The following CACNA1D variants were observed in gnomAD, a reference collection of about 807,000 sequenced individuals.
CACNA1D encodes calcium voltage-gated channel subunit alpha1 D.
Under a neutral mutation model 257.1 loss-of-function variants are expected in CACNA1D, and 55 were observed. The ratio of observed to expected loss-of-function variants is 0.21; its 90% CI spans 0.17 to 0.27. The LOEUF (loss-of-function observed/expected upper bound fraction) is 0.27. CACNA1D is among the 10% of genes least tolerant of loss of function. The pLI is 1.00. For missense variants in CACNA1D, 1,876 were observed against 2,784.0 expected, an observed-to-expected ratio of 0.67 and a Z score of 7.34; for synonymous variants, 980 against 1,014.9, an observed-to-expected ratio of 0.97 and a Z score of 0.65.
intron 3 of CACNA1D, among the ~76,000 whole-genome samples, chr3:53,536,033 C>T (rs2092105380): frequency 6.6e-6 from 1 of 152,066 alleles, no homozygotes. Context: ...CTGGGTGGCT[C>T]TTCTGGGCTT....
intron 3 of CACNA1D, among the ~76,000 whole-genome samples, chr3:53,600,188 C>T (rs1487892832): frequency 6.6e-6 from 1 of 152,246 alleles, no homozygotes; most frequent in Non-Finnish European, 1.5e-5. Context: ...ATTTGGCCAG[C>T]ATGTATCATG....
intron 40 of CACNA1D, among the ~76,000 whole-genome samples, chr3:53,798,941 C>T (rs980122497): frequency 1.3e-5 from 2 of 152,356 alleles, no homozygotes; most frequent in African/African-American, 4.8e-5. Flanking sequence ...GTCCTTGCCA[C>T]AGCTGCCCAC....
chr3:53,672,758 CTGTGTGTGTGTGTGTGTGTGTG>C (rs57956658), intron 7 of CACNA1D, among the ~76,000 whole-genome samples: 185 of 95,088 alleles, frequency 1.9e-3, no homozygotes, highest in African/African-American at 5.3e-3. Flanking sequence ...CTTGATGACT[CTGTGTGTGTGTGTGTGTGTGTG>C]TGTGTGTGTG....
At chr3:53,720,817 C>T (rs967943973) in intron 11 of CACNA1D, among the ~76,000 whole-genome samples, 2 of 152,196 alleles carry the variant, frequency 1.3e-5, no homozygotes, top group African/African-American at 2.4e-5. Flanking sequence ...ATGACACAGC[C>T]GTTAAAAAAA....
rs75656128 is a variant in CACNA1D, at chr3:53,719,809, C to T, written c.1505+28C>T. 10,030 of 1,606,812 alleles carry T rather than the reference C, an allele frequency of 6.2e-3. 532 individuals are homozygous for T. The African/African-American group carries it at 0.11, about 18-fold the overall frequency. ...CAGTATCTTCTTTCTGTTTCTTCGT[C>T]AGCCTGTGTGTTGCCTTTGTATGTT... On this transcript the variant is annotated intron_variant, in intron 11 of 47. Transcript: ENST00000350061.
chr3:53,768,360 G>A (rs1355659709), intron 30 of CACNA1D, among the ~76,000 whole-genome samples: 1 of 152,202 alleles, frequency 6.6e-6, no homozygotes, highest in Non-Finnish European at 1.5e-5. Flanking sequence ...GCACATGCGG[G>A]CACACTTAGC....
At chr3:53,808,625 G>A in intron 45 of CACNA1D, 24 bp from the exon 46 acceptor site, 1 of 1,604,874 alleles carries the variant, frequency 6.2e-7, no homozygotes, top group Non-Finnish European at 8.5e-7. Context: ...CTTCACAGCT[G>A]TGTGATGCCC....
intron 1 of CACNA1D, among the ~76,000 whole-genome samples, chr3:53,496,362 G>A (rs1471631622): frequency 2.0e-5 from 3 of 152,230 alleles, no homozygotes; most frequent in African/African-American, 4.8e-5. Context: ...TAGGCCTGGA[G>A]GCCCCTGGCA....
chr3:53,786,717 A>ACCCCCCCCC, intron 39 of CACNA1D, 105 bp from the exon 40 acceptor site: 1 of 275,358 alleles, frequency 3.6e-6, no homozygotes, highest in East Asian at 8.8e-5. Flanking sequence ...CGGACCGCCC[A>ACCCCCCCCC]CCCGCCCCAC....
chr3:53,727,953 C>A (rs914567298), intron 15 of CACNA1D, among the ~76,000 whole-genome samples: 1 of 152,062 alleles, frequency 6.6e-6, no homozygotes, highest in African/African-American at 2.4e-5. Context: ...TTTATAAAAA[C>A]CCCATCTCAA....
intron 3 of CACNA1D, among the ~76,000 whole-genome samples, chr3:53,650,215 C>G (rs534996270): frequency 6.6e-6 from 1 of 152,334 alleles, no homozygotes; most frequent in East Asian, 1.9e-4. Context: ...GATGCAAAAA[C>G]TTATATCCAG....
At chr3:53,745,978 T>G (rs1455012343) in intron 25 of CACNA1D, 103 bp downstream of exon 25, 1 of 854,012 alleles carries the variant, frequency 1.2e-6, no homozygotes, top group South Asian at 1.4e-5. Context: ...TGAAATAAAA[T>G]AGGCCTGTGT....
intron 9 of CACNA1D, chr3:53,710,516 T>C (rs1373396994): frequency 4.4e-6 from 2 of 456,294 alleles, no homozygotes; most frequent in Non-Finnish European, 8.8e-6. Flanking sequence ...TTCCGCAACA[T>C]CTCTGATACC....
At chr3:53,753,518 C>A in intron 28 of CACNA1D, 54 bp from the exon 29 acceptor site, 2 of 1,168,730 alleles carry the variant, frequency 1.7e-6, no homozygotes, top group Non-Finnish European at 2.6e-6. Flanking sequence ...CATGTGCAAG[C>A]ATGTGAGATC....
chr3:53,511,293 C>T (rs1419721858), intron 3 of CACNA1D, among the ~76,000 whole-genome samples: 4 of 152,040 alleles, frequency 2.6e-5, no homozygotes, highest in Admixed American at 6.5e-5. Context: ...CCAGGGTGCT[C>T]GAGGGGAACT....
chr3:53,780,542 G>A (rs1449842331), intron 38 of CACNA1D, among the ~76,000 whole-genome samples: 1 of 152,232 alleles, frequency 6.6e-6, no homozygotes, highest in Non-Finnish European at 1.5e-5. Context: ...GGATGTCTAG[G>A]AGGTCCTGAG....
At chr3:53,634,111 A>T (rs149144915) in intron 3 of CACNA1D, among the ~76,000 whole-genome samples, 117 of 152,346 alleles carry the variant, frequency 7.7e-4, no homozygotes, top group African/African-American at 2.6e-3. Flanking sequence ...TGGATGGTGA[A>T]CTATATTGAC....
Position 53,810,133 on chromosome 3 carries a change from G to A in CACNA1D, c.6027G>A (p.Leu2009=), listed in dbSNP as rs34887859. ...TCCAAGTGGAGCAGTCAGAGGCCCT[G>A]GACCAGGTGAACGGCAGCCTGCCGT... The part of the protein sequence containing the change: ...PLIQVEQSEA[L]DQVNGSLPSL... The change falls in exon 47 of 48, where the codon CTG becomes CTA. Residue 2009 remains leucine, a synonymous_variant. Coordinates refer to ENST00000350061, the MANE Select transcript of CACNA1D (RefSeq NM_001128840.3). 1.3e-5 allele frequency: 21 copies of A among 1,614,016 alleles called. No homozygotes were observed. In the African/African-American group the frequency reaches 2.7e-4, roughly 20 times the overall value.
intron 29 of CACNA1D, among the ~76,000 whole-genome samples, chr3:53,754,032 T>C (rs1417906921): frequency 6.6e-6 from 1 of 152,246 alleles, no homozygotes; most frequent in Non-Finnish European, 1.5e-5. Flanking sequence ...GAGAAAATGT[T>C]TGAACATAAC....
Sources: allele counts gnomAD v4.1 joint callset (sites outside exome capture counted in the v4.1 genomes callset), GRCh38; gene constraint gnomAD v4.1.1; transcripts MANE v1.5; gene names NCBI Gene and HGNC (gene_info 2026-07-23, HGNC 2026-07-21).